Variants in FOXN1 observed in about 807,000 individuals in gnomAD.
The protein encoded by FOXN1 is forkhead box N1, also known as forkhead box protein N1.
Under a neutral mutation model 49.0 loss-of-function variants are expected in FOXN1, and 15 were observed. The observed-to-expected ratio is 0.31, with a 90% confidence interval of 0.20 to 0.47. The LOEUF (loss-of-function observed/expected upper bound fraction) is 0.47. Ranked by LOEUF, FOXN1 falls within the 20% of genes least tolerant of loss-of-function variation. The pLI is 1.00. For missense variants in FOXN1, 800 were observed against 842.8 expected, an observed-to-expected ratio of 0.95 and a Z score of 0.63; for synonymous variants, 356 against 369.0, an observed-to-expected ratio of 0.96 and a Z score of 0.40.
chr17:28,520,833 A>G (rs1000648766), intron 1 of FOXN1, among the ~76,000 whole-genome samples: 10 of 152,200 alleles, frequency 6.6e-5, no homozygotes, highest in Non-Finnish European at 1.0e-4. Context: ...CCAGGTTCAC[A>G]TCTGCAGGGG....
rs767958911 is a variant in FOXN1, at chr17:28,530,803, C to T, written c.885C>T (p.Ser295=). ...GTAAAACTGGGAGCCTTCCCGTCAG[C>T]GAGATCTACAATTTTATGACGGAGC... ...KNSKTGSLPV[S]EIYNFMTEHF... is the part of the protein sequence containing the mutation. The change falls in exon 6 of 9, where the codon AGC becomes AGT. Residue 295 remains serine, a synonymous_variant. Transcript: ENST00000579795. 3.1e-6 allele frequency: 5 copies of T among 1,609,224 alleles called. No individual in the cohort carries two copies. The highest frequency in any genetic ancestry group is 1.3e-5 in the African/African-American group (1 of 74,834).
chr17:28,528,986 A>T (rs1465754793), intron 4 of FOXN1, 108 bp from the exon 5 acceptor site: 2 of 1,446,604 alleles, frequency 1.4e-6, no homozygotes, highest in Non-Finnish European at 1.9e-6. Context: ...CCCAGGAGGG[A>T]AGAATCTGGC....
chr17:28,507,127 G>A (rs1567867649), intron 1 of FOXN1, among the ~76,000 whole-genome samples: 1 of 152,184 alleles, frequency 6.6e-6, no homozygotes, highest in Admixed American at 6.5e-5. Flanking sequence ...GAGTCCTGGT[G>A]AGCAGAGCTG....
Position 28,523,992 on chromosome 17 carries a change from A to AAT in FOXN1, c.23_24insAT (p.Ser9CysfsTer294). ...GTGATGGTGTCGCTACCCCCGCCGC[A>AAT]GTCTGACGTCACGCTGCCGGGCCCC... On this transcript the variant is annotated frameshift_variant, in exon 2 of 9. Coordinates refer to ENST00000579795, the MANE Select transcript of FOXN1 (RefSeq NM_001369369.1). LOFTEE classifies it high-confidence loss of function. 1 of 1,613,120 alleles carries AAT rather than the reference A, an allele frequency of 6.2e-7. No homozygotes were observed. Among genetic ancestry groups the AAT allele is most frequent in the Non-Finnish European group, 8.5e-7 (1 of 1,179,938 alleles).
chr17:28,529,596 A>G (rs929903790), intron 5 of FOXN1, among the ~76,000 whole-genome samples: 1 of 152,150 alleles, frequency 6.6e-6, no homozygotes, highest in Non-Finnish European at 1.5e-5. Flanking sequence ...TCAAAGCTCT[A>G]CTGGAAGGAA....
rs192880115 is a variant in FOXN1, at chr17:28,518,886, G to A, written c.-14-5070G>A. On this transcript the variant is annotated intron_variant, in intron 1 of 8. Transcript: ENST00000579795. ...CTCAATTTTCTCCCCTAAAAAAATG[G>A]GCTTGATGACCTTGCTCCCCTGACA... 7.2e-5 allele frequency among the ~76,000 whole-genome samples: 11 copies of A among 152,236 alleles called. 1 individual carries two copies. In the East Asian group the frequency reaches 1.9e-3, roughly 27 times the overall value.
chr17:28,533,845 G>T (rs1297122800), intron 6 of FOXN1, among the ~76,000 whole-genome samples: 2 of 152,198 alleles, frequency 1.3e-5, no homozygotes, highest in African/African-American at 4.8e-5. Context: ...GTTAGTCCCA[G>T]AGGGGATAAG....
At chr17:28,530,283 T>C (rs1181564483) in intron 5 of FOXN1, among the ~76,000 whole-genome samples, 1 of 152,214 alleles carries the variant, frequency 6.6e-6, no homozygotes, top group Non-Finnish European at 1.5e-5. Context: ...TAAGAGAATG[T>C]AGGTACTGTG....
chr17:28,528,262 G>A (rs889971022), intron 4 of FOXN1, among the ~76,000 whole-genome samples: 1 of 152,220 alleles, frequency 6.6e-6, no homozygotes, highest in African/African-American at 2.4e-5. Flanking sequence ...GCCATGAGGG[G>A]CCTGGGTGGA....
In FOXN1 at chr17:28,512,018, G is replaced by A. The variant is rs73276491; in HGVS notation, c.-15+5575G>A. The stretch of plus-strand genomic sequence containing the variant: ...GTGGGACCATCGGGCTCAGCCCTGG[G>A]TGACTTCATTACAGGGGTAGGACTT... On this transcript the variant is annotated intron_variant, in intron 1 of 8. Coordinates refer to ENST00000579795, the MANE Select transcript of FOXN1 (RefSeq NM_001369369.1). Among the ~76,000 whole-genome samples, 1,128 of 152,266 alleles carry A rather than the reference G, an allele frequency of 7.4e-3. 15 individuals are homozygous for A. Among genetic ancestry groups the A allele is most frequent in the African/African-American group, 0.025 (1,057 of 41,546 alleles).
chr17:28,507,630 T>C lies in FOXN1; in HGVS notation c.-15+1187T>C, dbSNP rs141738319. Among the ~76,000 whole-genome samples, 7 of 152,310 alleles carry C rather than the reference T, an allele frequency of 4.6e-5. No homozygotes were observed. The East Asian group carries it at 1.4e-3, about 29-fold the overall frequency. The stretch of plus-strand genomic sequence containing the variant: ...CTTCCTGGAGCCTCTCTGAAGTCTT[T>C]ACTGCTGCAGGGTCCAGCTCTGCTT... On this transcript the variant is annotated intron_variant, in intron 1 of 8. Transcript: ENST00000579795.
rs79998888 is a variant in FOXN1 at position 28,514,218 on chromosome 17, G to A, written c.-15+7775G>A. On this transcript the variant is annotated intron_variant, in intron 1 of 8. Transcript: ENST00000579795. ...TAGGAGAAGCCTGATTTGGGGACTG[G>A]AATGACTCAGCTGCAGGTGTCGGTG... is the stretch of plus-strand genomic sequence containing the variant. Among the ~76,000 whole-genome samples the A allele has an allele frequency of 1.6e-3, 249 of 152,216 alleles. 7 individuals carry two copies. The East Asian group carries it at 0.043, about 27-fold the overall frequency.
chr17:28,531,465 T>G (rs967663153), intron 6 of FOXN1, among the ~76,000 whole-genome samples: 1 of 152,180 alleles, frequency 6.6e-6, no homozygotes, highest in African/African-American at 2.4e-5. Context: ...CTTACCCAGC[T>G]CCCTCTCTAG....
At chr17:28,514,262 G>A (rs758423366) in intron 1 of FOXN1, among the ~76,000 whole-genome samples, 3 of 152,078 alleles carry the variant, frequency 2.0e-5, no homozygotes, top group Non-Finnish European at 2.9e-5. Flanking sequence ...GGAGGAAAGC[G>A]TCACCTGGGG....
intron 6 of FOXN1, among the ~76,000 whole-genome samples, chr17:28,531,605 C>T (rs1230286008): frequency 6.6e-6 from 1 of 152,148 alleles, no homozygotes; most frequent in Non-Finnish European, 1.5e-5. Context: ...CCCCTCTCTG[C>T]GTGCCACCTA....
In FOXN1 at chr17:28,524,593, T is replaced by A; in HGVS notation, c.214T>A (p.Ser72Thr). 6.2e-7 allele frequency: 1 copy of A among 1,613,518 alleles called. No individual in the cohort carries two copies. The highest frequency in any genetic ancestry group is 8.5e-7 in the Non-Finnish European group (1 of 1,179,950). The change falls in exon 3 of 9, where the codon TCA becomes ACA. Residue 72 changes from serine to threonine, a missense_variant. Ser to Thr is a moderately conservative substitution (Grantham distance 58). Around this residue, in one of 3 missense-constraint regions of FOXN1, gnomAD observed 383 missense variants for 357.9 expected, o/e 1.07. Coordinates refer to ENST00000579795, the MANE Select transcript of FOXN1 (RefSeq NM_001369369.1). Reference protein sequence around the residue: ...SLPPHSPRIASPGPEQVQGHC... With the variant: ...SLPPHSPRIATPGPEQVQGHC... ...GCCCCCACACAGCCCCCGCATTGCG[T>A]CACCAGGGCCCGAGCAAGTCCAGGG...
At chr17:28,536,938 T>A (rs1424805190) in intron 8 of FOXN1, among the ~76,000 whole-genome samples, 179 bp from the exon 9 acceptor site, 1 of 151,532 alleles carries the variant, frequency 6.6e-6, no homozygotes, top group Non-Finnish European at 1.5e-5. Flanking sequence ...GGAGGAGGAA[T>A]CTGAGGCTGA....
intron 1 of FOXN1, among the ~76,000 whole-genome samples, chr17:28,507,826 GA>G (rs782260231): frequency 2.0e-5 from 3 of 152,204 alleles, no homozygotes; most frequent in South Asian, 4.1e-4. Flanking sequence ...GTGGATGGGG[GA>G]AGGGGCAGGG....
Position 28,523,994 on chromosome 17 carries a change from T to C in FOXN1, c.25T>C (p.Ser9Pro). 6.2e-7 allele frequency: 1 copy of C among 1,613,128 alleles called. No individual in the cohort carries two copies. The highest frequency in any genetic ancestry group is 2.2e-5 in the East Asian group (1 of 44,866). The change falls in exon 2 of 9, where the codon TCT becomes CCT. Residue 9 changes from serine to proline, a missense_variant. This residue lies in a region of FOXN1 where 383 missense variants were observed against 357.9 expected (regional missense o/e 1.07). Transcript: ENST00000579795. Reference protein sequence around the residue: MVSLPPPQSDVTLPGPTRL... With the variant: MVSLPPPQPDVTLPGPTRL... ...GATGGTGTCGCTACCCCCGCCGCAG[T>C]CTGACGTCACGCTGCCGGGCCCCAC... is the stretch of plus-strand genomic sequence containing the variant.
Sources: allele counts gnomAD v4.1 joint callset (sites outside exome capture counted in the v4.1 genomes callset), GRCh38; gene constraint gnomAD v4.1.1; regional missense constraint gnomAD v4.1.1; transcripts MANE v1.5; gene names NCBI Gene and HGNC (gene_info 2026-07-23, HGNC 2026-07-21).